Variants in OSBPL1A observed in about 807,000 individuals in gnomAD.
OSBPL1A encodes oxysterol-binding protein-related protein 1.
OSBPL1A carries 80 observed loss-of-function variants against 137.1 expected under a neutral mutation model. The ratio of observed to expected loss-of-function variants is 0.58; its 90% CI spans 0.49 to 0.70. The LOEUF (loss-of-function observed/expected upper bound fraction) is 0.70, where lower values mean the gene tolerates loss of function less well. Among genes scored for constraint, OSBPL1A ranks in the 30% least tolerant of loss-of-function variants. The pLI is 0.00. For missense variants in OSBPL1A, 970 were observed against 1,129.4 expected (o/e 0.86, Z 2.02); for synonymous variants, 365 against 389.7 (o/e 0.94, Z 0.75).
At chr18:24,211,286 G>GA (rs2087534594) in intron 17 of OSBPL1A, among the ~76,000 whole-genome samples, 1 of 152,058 alleles carries the variant, frequency 6.6e-6, no homozygotes, top group Non-Finnish European at 1.5e-5. Context: ...CATTTTTATA[G>GA]AAAAAGACTG....
At chr18:24,186,823 G>A (rs193164) in intron 18 of OSBPL1A, among the ~76,000 whole-genome samples, 1 of 141,452 alleles carries the variant, frequency 7.1e-6, no homozygotes, top group Admixed American at 7.7e-5. Flanking sequence ...AGGATTGCTT[G>A]AACCTGGGAG....
chr18:24,321,828 TAC>T (rs2090866032), intron 7 of OSBPL1A: 2 of 420,182 alleles, frequency 4.8e-6, no homozygotes, highest in Non-Finnish European at 9.4e-6. Context: ...TAGGAAGAGA[TAC>T]AGAGTGGCCA....
intron 15 of OSBPL1A, among the ~76,000 whole-genome samples, chr18:24,245,724 T>C (rs1442560724): frequency 6.6e-6 from 1 of 152,210 alleles, no homozygotes; most frequent in Non-Finnish European, 1.5e-5. Flanking sequence ...TATAGTATAG[T>C]ATACTCTTGC....
At chr18:24,322,510 G>A (rs1404054652) in intron 7 of OSBPL1A, among the ~76,000 whole-genome samples, 2 of 151,882 alleles carry the variant, frequency 1.3e-5, no homozygotes, top group Non-Finnish European at 2.9e-5. Context: ...CTTCTTTAGT[G>A]GGGAAAAAAC....
chr18:24,184,601 G>C (rs2086693895), intron 18 of OSBPL1A, among the ~76,000 whole-genome samples: 1 of 152,152 alleles, frequency 6.6e-6, no homozygotes, highest in Admixed American at 6.5e-5. Context: ...AATTTGATCA[G>C]AGATTAGATT....
At chr18:24,329,229 G>A (rs926364062) in intron 7 of OSBPL1A, among the ~76,000 whole-genome samples, 1 of 152,024 alleles carries the variant, frequency 6.6e-6, no homozygotes, top group Admixed American at 6.6e-5. Flanking sequence ...CTGAGCAAAA[G>A]GGTGAGACCC....
At chr18:24,299,233 T>G (rs1374029030) in intron 14 of OSBPL1A, among the ~76,000 whole-genome samples, 1 of 152,188 alleles carries the variant, frequency 6.6e-6, no homozygotes, top group East Asian at 1.9e-4. Context: ...TTATGTTCAA[T>G]GTTAATATTG....
intron 17 of OSBPL1A, among the ~76,000 whole-genome samples, chr18:24,205,197 A>AC (rs899042156): frequency 1.3e-5 from 2 of 152,144 alleles, no homozygotes; most frequent in African/African-American, 4.8e-5. Context: ...CACAGCCGTC[A>AC]CTCCTGGCTT....
At chr18:24,395,518 ATGT>A (rs1907671975) in intron 1 of OSBPL1A, among the ~76,000 whole-genome samples, 1 of 152,216 alleles carries the variant, frequency 6.6e-6, no homozygotes, top group African/African-American at 2.4e-5. Flanking sequence ...GCATTGTGCC[ATGT>A]TATTACTCAA....
chr18:24,166,887 T>A (rs750616543), intron 25 of OSBPL1A, among the ~76,000 whole-genome samples, 185 bp from the exon 26 acceptor site: 1 of 152,104 alleles, frequency 6.6e-6, no homozygotes, highest in Non-Finnish European at 1.5e-5. Context: ...TGTGGGTATC[T>A]CTCAAAAAAA....
intron 15 of OSBPL1A, among the ~76,000 whole-genome samples, chr18:24,243,379 ATC>A (rs945730637): frequency 1.2e-4 from 18 of 152,246 alleles, no homozygotes; most frequent in Middle Eastern, 3.4e-3. Flanking sequence ...TGCCTACCCC[ATC>A]TCTTTCCCCT....
chr18:24,163,324 A>G (rs951367112), intron 27 of OSBPL1A, 43 bp from the exon 28 acceptor site: 2 of 1,398,806 alleles, frequency 1.4e-6, no homozygotes, highest in African/African-American at 2.9e-5. Context: ...GAAACTATGG[A>G]AAATCACAGG....
intron 23 of OSBPL1A, among the ~76,000 whole-genome samples, chr18:24,170,871 G>A (rs1685264): frequency 7.2e-5 from 11 of 152,198 alleles, no homozygotes; most frequent in African/African-American, 1.9e-4. Flanking sequence ...GGCTGGTCTC[G>A]AACTGGCTGC....
At chr18:24,188,406 G>A (rs1322110919) in intron 18 of OSBPL1A, among the ~76,000 whole-genome samples, 1 of 152,196 alleles carries the variant, frequency 6.6e-6, no homozygotes, top group African/African-American at 2.4e-5. Context: ...TGTGAACTCT[G>A]GAGACCAAGG....
Position 24,165,133 on chromosome 18 carries a change from T to C in OSBPL1A, c.2682A>G (p.Lys894=), listed in dbSNP as rs370244500. 6.2e-7 allele frequency: 1 copy of C among 1,613,534 alleles called. No homozygotes were observed. Among genetic ancestry groups the C allele is most frequent in the East Asian group, 2.2e-5 (1 of 44,828 alleles). Residue 894 remains lysine (K), a synonymous_variant, in exon 27 of 28, where the codon AAA becomes AAG. Coordinates refer to ENST00000319481, the MANE Select transcript of OSBPL1A (RefSeq NM_080597.4). ...GEIDQASEEK[K]RLEEKQRAAR... Reference sequence around the variant, plus strand: ...CTGCTCTTTGTTTTTCCTCAAGTCGTTTTTTTTCTTCACTAGCTTGATCTA... The same window carrying C: ...CTGCTCTTTGTTTTTCCTCAAGTCGCTTTTTTTCTTCACTAGCTTGATCTA...
chr18:24,377,036 A>C (rs1906223437), intron 2 of OSBPL1A, among the ~76,000 whole-genome samples: 1 of 152,206 alleles, frequency 6.6e-6, no homozygotes, highest in Non-Finnish European at 1.5e-5. Flanking sequence ...GGGCTCCCAC[A>C]GTGCAGCGAT....
intron 14 of OSBPL1A, among the ~76,000 whole-genome samples, chr18:24,281,859 T>C (rs1253346017): frequency 6.6e-6 from 1 of 152,192 alleles, no homozygotes; most frequent in East Asian, 1.9e-4. Flanking sequence ...GTTAGGAACC[T>C]GGCCACACAG....
At chr18:24,376,818 C>T (rs371560191) in intron 2 of OSBPL1A, among the ~76,000 whole-genome samples, 1 of 152,382 alleles carries the variant, frequency 6.6e-6, no homozygotes, top group Admixed American at 6.5e-5. Flanking sequence ...CAGCCGCTGG[C>T]CCGGGTGCTA....
Position 24,271,792 on chromosome 18 carries a change from G to A in OSBPL1A, c.1281+9050C>T, listed in dbSNP as rs1306450375. On this transcript the variant is annotated intron_variant, in intron 15 of 27. Transcript: ENST00000319481. This position sits in a 1 kb window ranked among gnomAD's most constrained non-coding sequence, Gnocchi z 4.0. ...CGCAAGGTCTCCCTAAGTCACCTTTGCGCAGCCTGCCCCTGGCTCCGGCCG... is the reference window on the plus strand; with the variant it reads ...CGCAAGGTCTCCCTAAGTCACCTTTACGCAGCCTGCCCCTGGCTCCGGCCG... The A allele has an allele frequency of 1.0e-6, 1 of 985,288 alleles. No individual in the cohort carries two copies. The highest frequency in any genetic ancestry group is 1.2e-6 in the Non-Finnish European group (1 of 829,980). 61.0% of individuals were successfully genotyped at this position (985,288 alleles called of 1,614,324 possible). A position where few individuals can be genotyped will look rare whatever the true frequency, so the allele number is the denominator to read the frequency against.
Sources: allele counts gnomAD v4.1 joint callset (sites outside exome capture counted in the v4.1 genomes callset), GRCh38; gene constraint gnomAD v4.1.1; non-coding constraint Gnocchi (gnomAD v3.1); transcripts MANE v1.5; gene names NCBI Gene and HGNC (gene_info 2026-07-23, HGNC 2026-07-21).